MAD1L1: variants seen among roughly 807,000 people sequenced by gnomAD.
MAD1L1 encodes mitotic arrest deficient 1 like 1.
Under a neutral mutation model 96.9 loss-of-function variants are expected in MAD1L1, and 95 were observed. That is an observed-to-expected ratio of 0.98 (90% confidence interval 0.83 to 1.16). The LOEUF (loss-of-function observed/expected upper bound fraction) is 1.16. Among genes scored for constraint, MAD1L1 ranks in the 50% most tolerant of loss-of-function variants. The probability of loss-of-function intolerance (pLI) is 0.00; values close to 1 mark genes in which losing one functional copy is unlikely to be tolerated. For synonymous variants in MAD1L1, 473 were observed against 396.6 expected (o/e 1.19, Z -2.29); for missense variants, 1,007 against 954.4 (o/e 1.06, Z -0.73).
At chr7:2,055,036 G>A (rs953701865) in intron 12 of MAD1L1, among the ~76,000 whole-genome samples, 2 of 152,236 alleles carry the variant, frequency 1.3e-5, no homozygotes, top group Non-Finnish European at 2.9e-5. Flanking sequence ...CATCTGTCCT[G>A]TGTTCACGTA....
chr7:2,229,866 T>C (rs62442502), intron 3 of MAD1L1, 118 bp downstream of exon 3: 51,319 of 1,110,576 alleles, frequency 0.046, 1,384 homozygotes, highest in Middle Eastern at 0.08. Flanking sequence ...GGGAGACGAA[T>C]AGCTGTCTCT....
At chr7:2,155,810 G>A (rs59134428) in intron 10 of MAD1L1, among the ~76,000 whole-genome samples, 42,888 of 151,970 alleles carry the variant, frequency 0.28, 7,539 homozygotes, top group East Asian at 0.54. Context: ...ATGATCTCGG[G>A]TGGATACGCA....
intron 11 of MAD1L1, among the ~76,000 whole-genome samples, chr7:2,145,905 G>T (rs1789273088): frequency 6.6e-6 from 1 of 152,220 alleles, no homozygotes; most frequent in South Asian, 2.1e-4. Context: ...CTGGCTTCTG[G>T]CTTCACGGAC....
intron 18 of MAD1L1, chr7:1,847,281 C>T (rs2128637457): frequency 8.5e-6 from 4 of 471,034 alleles, no homozygotes; most frequent in Admixed American, 2.3e-5. Context: ...CACAACCGAA[C>T]GTGCCAGGAC....
chr7:2,226,431 G>C (rs943905545), intron 3 of MAD1L1, among the ~76,000 whole-genome samples: 2 of 151,696 alleles, frequency 1.3e-5, no homozygotes, highest in Non-Finnish European at 2.9e-5. Context: ...CAGGACTAGT[G>C]ATTACAGGTG....
In MAD1L1 at chr7:2,103,639, C is replaced by T. The variant is rs1455277695; in HGVS notation, c.1074-34301G>A. ...CAGGAGCCGGGCAGCACAGCCAGAACACTGAGACTCGATCCCACAGGGGAG... is the reference window on the plus strand; with the variant it reads ...CAGGAGCCGGGCAGCACAGCCAGAATACTGAGACTCGATCCCACAGGGGAG... On this transcript the variant is annotated intron_variant, in intron 11 of 18. Coordinates refer to ENST00000265854, the MANE Select transcript of MAD1L1 (RefSeq NM_001013836.2). The surrounding 1 kb of genome is among the most constrained non-coding windows in gnomAD (Gnocchi z 4.3). Among the ~76,000 whole-genome samples the T allele has an allele frequency of 6.6e-6, 1 of 152,194 alleles. No homozygotes were observed. The highest frequency in any genetic ancestry group is 1.9e-4 in the East Asian group (1 of 5,178).
intron 18 of MAD1L1, chr7:1,847,331 G>C (rs768503717): frequency 2.1e-6 from 1 of 471,116 alleles, no homozygotes; most frequent in South Asian, 1.5e-5. Flanking sequence ...AACCAGGCAT[G>C]GCAGGCGGTG....
intron 3 of MAD1L1, among the ~76,000 whole-genome samples, chr7:2,226,807 T>G (rs1003263243): frequency 6.6e-6 from 1 of 151,966 alleles, no homozygotes; most frequent in Non-Finnish European, 1.5e-5. Context: ...CTGGCCAACA[T>G]GGGGAAACCC....
chr7:1,962,635 G>A (rs1779999346), intron 15 of MAD1L1, among the ~76,000 whole-genome samples: 1 of 151,904 alleles, frequency 6.6e-6, no homozygotes, highest in East Asian at 1.9e-4. Context: ...TTTTAAAATG[G>A]ACAAAAAAAC....
intron 17 of MAD1L1, among the ~76,000 whole-genome samples, chr7:1,935,479 C>CCTG (rs1778543907): frequency 6.6e-6 from 1 of 152,220 alleles, no homozygotes. Context: ...TAAGCCCCTA[C>CCTG]CTGCCGGCAG....
At chr7:1,931,987 G>T (rs1462501293) in intron 17 of MAD1L1, among the ~76,000 whole-genome samples, 1 of 152,194 alleles carries the variant, frequency 6.6e-6, no homozygotes, top group Non-Finnish European at 1.5e-5. Context: ...GAAGGAGGAG[G>T]CTGCCAAAGA....
chr7:1,904,359 C>T (rs1293235329), intron 17 of MAD1L1, among the ~76,000 whole-genome samples: 1 of 143,112 alleles, frequency 7.0e-6, no homozygotes, highest in African/African-American at 2.8e-5. Context: ...ATGCAGTGGC[C>T]TATGGAAGAC....
rs1231163035 is a variant in MAD1L1, at chr7:2,016,331, C to T, written c.1219-1689G>A. Among the ~76,000 whole-genome samples, 52 of 152,200 alleles carry T rather than the reference C, an allele frequency of 3.4e-4. 1 individual carries two copies. Among genetic ancestry groups the T allele is most frequent in the Non-Finnish European group, 5.9e-5 (4 of 68,028 alleles). ...GGGCAGGAGAGCTGTGGGGACCGCCCCCACCAGTACTGGCTGAAAGGGCAA... is the reference window on the plus strand; with the variant it reads ...GGGCAGGAGAGCTGTGGGGACCGCCTCCACCAGTACTGGCTGAAAGGGCAA... On this transcript the variant is annotated intron_variant, in intron 12 of 18. Coordinates refer to ENST00000265854, the MANE Select transcript of MAD1L1 (RefSeq NM_001013836.2).
intron 18 of MAD1L1, among the ~76,000 whole-genome samples, chr7:1,890,807 C>G (rs1306412674): frequency 6.6e-6 from 1 of 152,226 alleles, no homozygotes; most frequent in Admixed American, 6.5e-5. Flanking sequence ...GGCCAGAAGT[C>G]ATTTCCCAGG....
chr7:2,021,389 G>C (rs917102419), intron 12 of MAD1L1, among the ~76,000 whole-genome samples: 3 of 152,146 alleles, frequency 2.0e-5, no homozygotes, highest in Non-Finnish European at 2.9e-5. Flanking sequence ...AGGGGAGGGA[G>C]GTATCCAAGT....
At chr7:2,115,352 A>G (rs1354670455) in intron 11 of MAD1L1, among the ~76,000 whole-genome samples, 92 of 89,146 alleles carry the variant, frequency 1.0e-3, no homozygotes, top group East Asian at 1.5e-3. Flanking sequence ...CAGAGGAGGC[A>G]CTGGACAGGG....
chr7:2,125,315 A>G lies in MAD1L1; in HGVS notation c.1073+23837T>C, dbSNP rs565730122. On this transcript the variant is annotated intron_variant, in intron 11 of 18. Transcript: ENST00000265854. ...GGTGCCCCTTCTGATGACTGGACAG[A>G]TGCCCAGGTGGGGACAAAGAGGACA... Among the ~76,000 whole-genome samples, 17 of 152,256 alleles carry G rather than the reference A, an allele frequency of 1.1e-4. No individual in the cohort carries two copies. In the East Asian group the frequency reaches 3.3e-3, roughly 29 times the overall value.
chr7:1,986,568 G>A (rs1278538688), intron 14 of MAD1L1, among the ~76,000 whole-genome samples: 1 of 151,652 alleles, frequency 6.6e-6, no homozygotes, highest in Non-Finnish European at 1.5e-5. Context: ...GCTCCCTCAT[G>A]GAGCTGCCTC....
chr7:2,215,567 C>T (rs1317341688), intron 9 of MAD1L1, among the ~76,000 whole-genome samples: 2 of 152,092 alleles, frequency 1.3e-5, no homozygotes, highest in Non-Finnish European at 2.9e-5. Context: ...GCTTGTGGCC[C>T]GTCCTCCATC....
Sources: allele counts gnomAD v4.1 joint callset (sites outside exome capture counted in the v4.1 genomes callset), GRCh38; gene constraint gnomAD v4.1.1; non-coding constraint Gnocchi (gnomAD v3.1); transcripts MANE v1.5; gene names NCBI Gene and HGNC (gene_info 2026-07-23, HGNC 2026-07-21).